The following MOB2 variants were observed in gnomAD, a reference collection of about 807,000 sequenced individuals.
MOB2 encodes MOB2 Mps One Binder homolog.
In MOB2, 14 loss-of-function variants were observed where a neutral mutation model predicts 27.4. That is an observed-to-expected ratio of 0.51 (90% CI 0.34 to 0.80). MOB2 has a LOEUF of 0.80. Ranked by LOEUF, MOB2 falls within the 30% of genes least tolerant of loss-of-function variation. The pLI is 0.01. For synonymous variants in MOB2, 167 were observed against 151.8 expected, an observed-to-expected ratio of 1.10 and a Z score of -0.74; for missense variants, 304 against 354.6, an observed-to-expected ratio of 0.86 and a Z score of 1.15.
intron 3 of MOB2, 87 bp downstream of exon 3, chr11:1,480,306 T>C (rs2133365197): frequency 8.0e-7 from 1 of 1,250,118 alleles, no homozygotes; most frequent in Admixed American, 1.9e-5. Context: ...GAACGGAATC[T>C]GAGAGGACAG....
At chr11:1,483,355 T>C (rs866057802) in intron 1 of MOB2, among the ~76,000 whole-genome samples, 60 of 151,878 alleles carry the variant, frequency 4.0e-4, no homozygotes, top group African/African-American at 1.4e-3. Context: ...GACTGGGGAG[T>C]GGACCCTGGA....
intron 1 of MOB2, 130 bp downstream of exon 1, chr11:1,486,317 C>T: frequency 2.9e-6 from 2 of 698,964 alleles, no homozygotes; most frequent in Non-Finnish European, 4.9e-6. Context: ...TGCACAGCCG[C>T]CGGCCACACT....
At chr11:1,485,540 G>A (rs192179972) in intron 1 of MOB2, among the ~76,000 whole-genome samples, 16 of 152,302 alleles carry the variant, frequency 1.1e-4, no homozygotes, top group African/African-American at 3.1e-4. Flanking sequence ...AGATGGAGCC[G>A]GGTGCCCAGG....
chr11:1,486,316 G>T (rs553090820), intron 1 of MOB2, 131 bp downstream of exon 1: 26 of 692,570 alleles, frequency 3.8e-5, no homozygotes, highest in Admixed American at 2.0e-4. Flanking sequence ...CTGCACAGCC[G>T]CCGGCCACAC....
rs914106669 is a variant in MOB2 at position 1,469,767 on chromosome 11, C to T, written c.*405G>A. On this transcript the variant is annotated 3_prime_UTR_variant, in exon 5 of 5. Transcript: ENST00000329957. ...GGTCTCTGTGAAAGCAAGCCCCACC[C>T]CCAGAGCAGAGCAGAGACCCAGGTC... 1 of 479,168 alleles carries T rather than the reference C, an allele frequency of 2.1e-6. No homozygotes were observed. The allele number at this position is 479,168 out of a possible 1,614,324, so 29.7% of individuals were successfully genotyped here.
intron 1 of MOB2, among the ~76,000 whole-genome samples, chr11:1,485,842 C>T (rs1480160121): frequency 1.3e-5 from 2 of 152,242 alleles, no homozygotes; most frequent in Non-Finnish European, 2.9e-5. Flanking sequence ...ACCCCCGCAG[C>T]AGGTCAGAGA....
intron 3 of MOB2, among the ~76,000 whole-genome samples, chr11:1,475,350 C>T (rs1451059449): frequency 6.6e-6 from 1 of 152,184 alleles, no homozygotes; most frequent in African/African-American, 2.4e-5. Context: ...AGCAATCCCC[C>T]CCATCCACAG....
In MOB2 at chr11:1,470,274, G is replaced by A. The variant is rs368335811; in HGVS notation, c.705C>T (p.Thr235=). 28 of 1,612,928 alleles carry A rather than the reference G, an allele frequency of 1.7e-5. No individual in the cohort carries two copies. The highest frequency in any genetic ancestry group is 2.7e-5 in the African/African-American group (2 of 74,940). The change falls in exon 5 of 5, where the codon ACC becomes ACT. Residue 235 remains threonine, a synonymous_variant. Transcript: ENST00000329957. ...PKETAIMDDL[T]EVLCSGAGGV... ...CGCCGGCCCCGCTGCATAGCACCTC[G>A]GTGAGGTCGTCCATGATGGCGGTCT...
At position 1,480,941 on chromosome 11, in the gene MOB2, G is replaced by GC. The variant is rs1285745777; in HGVS notation, c.111-57dup. ...TACACGCCCATCAGACCCAGGGTCT[G>GC]CCCGGGGGGTCAGTTGTGGCCAGCG... On this transcript the variant is annotated intron_variant, in intron 1 of 4. Transcript: ENST00000329957. 6 of 1,538,672 alleles carry GC rather than the reference G, an allele frequency of 3.9e-6. No homozygotes were observed. In the African/African-American group the frequency reaches 6.9e-5, roughly 18 times the overall value.
At chr11:1,483,528 G>A (rs975617066) in intron 1 of MOB2, among the ~76,000 whole-genome samples, 3 of 152,230 alleles carry the variant, frequency 2.0e-5, no homozygotes, top group African/African-American at 7.2e-5. Flanking sequence ...GGCCGGGCCA[G>A]ATGGAACCAC....
chr11:1,472,639 C>A (rs1847806875), intron 3 of MOB2: 1 of 152,402 alleles, frequency 6.6e-6, no homozygotes, highest in Non-Finnish European at 1.5e-5. Flanking sequence ...AAAGGATGGA[C>A]CCAGGCTCCA....
At chr11:1,472,094 A>G (rs564720217) in intron 3 of MOB2, 16 of 152,284 alleles carry the variant, frequency 1.1e-4, no homozygotes, top group African/African-American at 3.9e-4. Flanking sequence ...TGTTGGGTCC[A>G]GCCATGACAA....
At chr11:1,480,685 A>T in intron 2 of MOB2, 40 bp downstream of exon 2, 1 of 1,588,830 alleles carries the variant, frequency 6.3e-7, no homozygotes, top group East Asian at 2.3e-5. Context: ...GAGGAGGAGC[A>T]GGGAGGAGGG....
chr11:1,477,854 A>C (rs1554855), intron 3 of MOB2, among the ~76,000 whole-genome samples: 46,846 of 152,156 alleles, frequency 0.31, 7,900 homozygotes, highest in East Asian at 0.63. Context: ...ATACATTCTC[A>C]TAAGCTGCCC....
chr11:1,477,314 C>T (rs1016030946), intron 3 of MOB2, among the ~76,000 whole-genome samples: 6 of 152,168 alleles, frequency 3.9e-5, no homozygotes, highest in South Asian at 2.1e-4. Flanking sequence ...CTTCCTTCCT[C>T]GGAGTCTCCT....
intron 1 of MOB2, chr11:1,481,206 C>T: frequency 6.8e-6 from 3 of 441,250 alleles, no homozygotes; most frequent in Middle Eastern, 3.2e-4. Context: ...GGGTTTAGGG[C>T]CCCCAGCGCC....
At chr11:1,485,167 T>C (rs1847957125) in intron 1 of MOB2, among the ~76,000 whole-genome samples, 1 of 152,186 alleles carries the variant, frequency 6.6e-6, no homozygotes, top group African/African-American at 2.4e-5. Flanking sequence ...CTTTGAAACC[T>C]TCCTGAGCCC....
chr11:1,470,202 C>T lies in MOB2; in HGVS notation c.777G>A (p.Pro259=), dbSNP rs758260810. Reference sequence around the variant, plus strand: ...TCTCCTTCACGTGGTTCTGTGCTCCCGGGCCCCCGCTGCCGGCCCCATCCC... The same window carrying T: ...TCTCCTTCACGTGGTTCTGTGCTCCTGGGCCCCCGCTGCCGGCCCCATCCC... ...GSGDGAGSGG[P]GAQNHVKER is the part of the protein sequence containing the mutation. The change falls in exon 5 of 5, where the codon CCG becomes CCA. Residue 259 remains proline, a synonymous_variant. Coordinates refer to ENST00000329957, the MANE Select transcript of MOB2 (RefSeq NM_001172223.3). 7.5e-6 allele frequency: 12 copies of T among 1,609,176 alleles called. No homozygotes were observed. The highest frequency in any genetic ancestry group is 6.7e-5 in the African/African-American group (5 of 74,848).
chr11:1,483,235 G>A (rs1477042031), intron 1 of MOB2, among the ~76,000 whole-genome samples: 1 of 152,204 alleles, frequency 6.6e-6, no homozygotes, highest in Non-Finnish European at 1.5e-5. Context: ...AGCTCCCCCT[G>A]TGCTGCTGGC....
Sources: gnomAD v4.1 joint callset for allele counts (sites outside exome capture counted in the v4.1 genomes callset) on GRCh38, gnomAD v4.1.1 for gene constraint, MANE v1.5 for transcripts, NCBI Gene and HGNC (gene_info 2026-07-23, HGNC 2026-07-21) for gene names.